GALNT11: variants seen among roughly 807,000 people sequenced by gnomAD.
GALNT11 encodes UDP-GalNAc:polypeptide N-acetylgalactosaminyltransferase 11.
Under a neutral mutation model 72.7 loss-of-function variants are expected in GALNT11, and 47 were observed. The observed-to-expected ratio is 0.65, with a 90% CI of 0.51 to 0.82. The LOEUF (loss-of-function observed/expected upper bound fraction) is 0.82. Among genes scored for constraint, GALNT11 ranks in the 40% least tolerant of loss-of-function variants. The pLI is 0.00. For synonymous variants in GALNT11, 270 were observed against 286.6 expected (o/e 0.94, Z 0.58); for missense variants, 677 against 778.4 (o/e 0.87, Z 1.55).
chr7:152,093,407 T>C (rs2086171402), intron 1 of GALNT11, among the ~76,000 whole-genome samples: 2 of 152,004 alleles, frequency 1.3e-5, no homozygotes, highest in Non-Finnish European at 2.9e-5. Context: ...GTAGAATTTT[T>C]TTTAAGTTGT....
intron 1 of GALNT11, among the ~76,000 whole-genome samples, chr7:152,080,922 A>G (rs2085285914): frequency 6.6e-6 from 1 of 152,110 alleles, no homozygotes; most frequent in African/African-American, 2.4e-5. Context: ...GTGAGCCAAG[A>G]TCTCGCCACT....
At chr7:152,108,335 A>G (rs758499061) in intron 6 of GALNT11, 48 bp downstream of exon 6, 2 of 1,562,194 alleles carry the variant, frequency 1.3e-6, no homozygotes, top group Non-Finnish European at 1.7e-6. Context: ...GCTTCCTTAA[A>G]AGAGAACAAA....
At chr7:152,029,704 G>T (rs188893993) in intron 1 of GALNT11, among the ~76,000 whole-genome samples, 4 of 152,222 alleles carry the variant, frequency 2.6e-5, no homozygotes, top group Admixed American at 1.3e-4. Flanking sequence ...TCCTAACTCT[G>T]CTTCTACAGT....
chr7:152,108,101 T>A lies in GALNT11; in HGVS notation c.776T>A (p.Leu259Gln). 1.2e-6 allele frequency: 2 copies of A among 1,614,104 alleles called. No individual in the cohort carries two copies. The highest frequency in any genetic ancestry group is 8.5e-7 in the Non-Finnish European group (1 of 1,179,962). The change falls in exon 6 of 12, where the codon CTG becomes CAG. Residue 259 changes from leucine to glutamine, a missense_variant. Physicochemically the swap from Leu to Gln is moderately radical, Grantham distance 113. Coordinates refer to ENST00000430044, the MANE Select transcript of GALNT11 (RefSeq NM_022087.4). Reference sequence around the variant, plus strand: ...AATGTGATGTGGCTGCAGCCCTTGCTGGCCGCCATCCGTGAGGACCGGCAC... The same window carrying A: ...AATGTGATGTGGCTGCAGCCCTTGCAGGCCGCCATCCGTGAGGACCGGCAC... ...EVNVMWLQPL[L>Q]AAIREDRHTV...
intron 1 of GALNT11, among the ~76,000 whole-genome samples, chr7:152,078,421 G>A (rs2085112633): frequency 6.6e-6 from 1 of 152,092 alleles, no homozygotes; most frequent in Admixed American, 6.5e-5. Context: ...GGCTGGTCTT[G>A]AACCCCCGAC....
chr7:152,116,736 T>G (rs1172971467), intron 8 of GALNT11, among the ~76,000 whole-genome samples: 1 of 152,248 alleles, frequency 6.6e-6, no homozygotes, highest in Non-Finnish European at 1.5e-5. Flanking sequence ...TGTGAGAATT[T>G]AGCTGGCTTG....
chr7:152,092,557 A>G (rs938249012), intron 1 of GALNT11, among the ~76,000 whole-genome samples: 2 of 151,806 alleles, frequency 1.3e-5, no homozygotes, highest in Non-Finnish European at 2.9e-5. Flanking sequence ...TTGTTTTTTT[A>G]CTTTTTAATT....
intron 1 of GALNT11, among the ~76,000 whole-genome samples, chr7:152,075,728 G>A (rs934717724): frequency 5.3e-5 from 8 of 151,854 alleles, no homozygotes; most frequent in African/African-American, 1.2e-4. Context: ...CCCGGGAGGC[G>A]GAGGTTGCGG....
rs201162630 is a variant in GALNT11, at chr7:152,120,805, A to C, written c.1558-26A>C. ...GTTCAGTCTTAAAATTCGTTATCTA[A>C]ATTTTATTTTATTTTTCTTCTCTAG... is the stretch of plus-strand genomic sequence containing the variant. On this transcript the variant is annotated intron_variant, in intron 10 of 11. Coordinates refer to ENST00000430044, the MANE Select transcript of GALNT11 (RefSeq NM_022087.4). The C allele has an allele frequency of 1.2e-4, 185 of 1,569,562 alleles. No individual in the cohort carries two copies. In the East Asian group the frequency reaches 2.8e-3, roughly 23 times the overall value.
intron 8 of GALNT11, chr7:152,116,926 C>A: frequency 1.5e-6 from 1 of 657,522 alleles, no homozygotes; most frequent in Non-Finnish European, 2.8e-6. Context: ...CACGCAGACC[C>A]TCCTGGGAGT....
chr7:152,111,982 T>G (rs745414338), intron 7 of GALNT11, among the ~76,000 whole-genome samples: 3 of 152,182 alleles, frequency 2.0e-5, no homozygotes, highest in Non-Finnish European at 2.9e-5. Context: ...CCTCGCATTA[T>G]CTGTCTTCTC....
At chr7:152,084,171 G>A (rs2085486127) in intron 1 of GALNT11, among the ~76,000 whole-genome samples, 1 of 151,336 alleles carries the variant, frequency 6.6e-6, no homozygotes, top group Non-Finnish European at 1.5e-5. Flanking sequence ...TTATTTTGGG[G>A]TTTTTTTGGG....
At chr7:152,067,538 T>C (rs1019075318) in intron 1 of GALNT11, among the ~76,000 whole-genome samples, 17 of 152,316 alleles carry the variant, frequency 1.1e-4, no homozygotes, top group African/African-American at 4.1e-4. Flanking sequence ...TATTACGAGC[T>C]CTTCATTTGG....
chr7:152,040,181 A>G (rs908652662), intron 1 of GALNT11, among the ~76,000 whole-genome samples: 1 of 151,798 alleles, frequency 6.6e-6, no homozygotes, highest in Non-Finnish European at 1.5e-5. Flanking sequence ...CCACTGCAAA[A>G]TACTGCAAGA....
intron 3 of GALNT11, among the ~76,000 whole-genome samples, chr7:152,102,411 G>A (rs749980445): frequency 2.6e-4 from 39 of 151,844 alleles, no homozygotes; most frequent in Non-Finnish European, 5.1e-4. Context: ...GCGTGGTGGC[G>A]CAGGCCTGTA....
At chr7:152,121,089 G>T in intron 11 of GALNT11, 121 bp downstream of exon 11, 1 of 1,209,572 alleles carries the variant, frequency 8.3e-7, no homozygotes, top group African/African-American at 1.5e-5. Flanking sequence ...CAGTACAGTG[G>T]TCCCCCCAGA....
intron 1 of GALNT11, among the ~76,000 whole-genome samples, chr7:152,048,144 C>T (rs2083230636): frequency 6.6e-6 from 1 of 151,956 alleles, no homozygotes. Flanking sequence ...CTTTATTTCT[C>T]CTTCATGTTT....
chr7:152,061,511 G>C (rs1036418507), intron 1 of GALNT11, among the ~76,000 whole-genome samples: 3 of 152,170 alleles, frequency 2.0e-5, no homozygotes, highest in African/African-American at 7.2e-5. Context: ...GGCTTTTGTT[G>C]CCATTGCTTT....
intron 1 of GALNT11, among the ~76,000 whole-genome samples, chr7:152,040,750 G>A (rs1309416276): frequency 6.6e-6 from 1 of 152,220 alleles, no homozygotes; most frequent in Non-Finnish European, 1.5e-5. Context: ...CATATTAAAA[G>A]CAGTCAATAC....
Sources: gnomAD v4.1 joint callset for allele counts (sites outside exome capture counted in the v4.1 genomes callset) on GRCh38, gnomAD v4.1.1 for gene constraint, MANE v1.5 for transcripts, NCBI Gene and HGNC (gene_info 2026-07-23, HGNC 2026-07-21) for gene names.